SNTG1: variants seen among roughly 807,000 people sequenced by gnomAD.
SNTG1 encodes gamma-1-syntrophin.
SNTG1 carries 39 observed loss-of-function variants against 74.7 expected under a neutral mutation model. That is an observed-to-expected ratio of 0.52 (90% CI 0.40 to 0.68). SNTG1 has a LOEUF of 0.68. Among genes scored for constraint, SNTG1 ranks in the 30% least tolerant of loss-of-function variants. SNTG1 has a pLI of 0.00. For missense variants in SNTG1, 685 were observed against 609.5 expected, an observed-to-expected ratio of 1.12 and a Z score of -1.30; for synonymous variants, 254 against 217.1, an observed-to-expected ratio of 1.17 and a Z score of -1.49.
intron 2 of SNTG1, among the ~76,000 whole-genome samples, chr8:50,340,304 C>T (rs2130931735): frequency 6.6e-6 from 1 of 152,058 alleles, no homozygotes; most frequent in Middle Eastern, 3.4e-3. Flanking sequence ...GAAGAACTGA[C>T]ACTATCTTAT....
intron 1 of SNTG1, among the ~76,000 whole-genome samples, chr8:50,095,758 GA>G (rs137892681): frequency 1.6e-4 from 24 of 151,898 alleles, no homozygotes; most frequent in African/African-American, 5.6e-4. Context: ...AAAAAATGTG[GA>G]AAAAAACTGA....
chr8:50,513,249 A>G (rs192470975), intron 9 of SNTG1, among the ~76,000 whole-genome samples: 4 of 152,208 alleles, frequency 2.6e-5, no homozygotes, highest in African/African-American at 2.4e-5. Flanking sequence ...TGAGCAGCAA[A>G]TATTGCTGCC....
chr8:50,572,864 G>T (rs369391609), intron 12 of SNTG1, among the ~76,000 whole-genome samples: 2 of 152,094 alleles, frequency 1.3e-5, no homozygotes, highest in African/African-American at 4.8e-5. Flanking sequence ...TAAAAAATTG[G>T]AGGAATGTTT....
intron 15 of SNTG1, among the ~76,000 whole-genome samples, chr8:50,701,285 A>T (rs2131507900): frequency 6.6e-6 from 1 of 152,334 alleles, no homozygotes; most frequent in East Asian, 1.9e-4. Flanking sequence ...GAGAGGGCAT[A>T]CTAAAATTTT....
intron 13 of SNTG1, among the ~76,000 whole-genome samples, chr8:50,639,572 A>C (rs1055642495): frequency 1.5e-4 from 23 of 152,028 alleles, no homozygotes; most frequent in Non-Finnish European, 2.8e-4. Context: ...TATTGATATC[A>C]ACAGAATTGT....
At chr8:50,143,023 G>A (rs1405950933) in intron 1 of SNTG1, among the ~76,000 whole-genome samples, 2 of 151,892 alleles carry the variant, frequency 1.3e-5, no homozygotes, top group African/African-American at 2.4e-5. Flanking sequence ...GCAATAAGTC[G>A]AGATCACTCC....
chr8:50,011,626 A>T (rs63496561), intron 1 of SNTG1: 1 of 24,332 alleles, frequency 4.1e-5, no homozygotes, highest in Non-Finnish European at 3.1e-4. Flanking sequence ...AGGTGAAATT[A>T]AAAAAAAAAA....
chr8:50,413,335 T>C (rs1338725387), intron 4 of SNTG1, among the ~76,000 whole-genome samples: 1 of 152,150 alleles, frequency 6.6e-6, no homozygotes, highest in East Asian at 1.9e-4. Flanking sequence ...ACACTGTTCA[T>C]TTGTTTTTTT....
chr8:50,444,785 T>G (rs10429442), intron 5 of SNTG1, among the ~76,000 whole-genome samples: 122,277 of 147,348 alleles, frequency 0.83, 51,293 homozygotes, highest in Non-Finnish European at 0.89. Flanking sequence ...ATAACAAGCA[T>G]ACAGTAAAGC....
At chr8:50,501,431 T>TG (rs2093952688) in intron 8 of SNTG1, among the ~76,000 whole-genome samples, 1 of 120,788 alleles carries the variant, frequency 8.3e-6, no homozygotes, top group African/African-American at 3.3e-5. Flanking sequence ...GTGCGTTTTT[T>TG]TTTTTTTTTT....
chr8:50,485,750 C>G (rs1223416336), intron 8 of SNTG1, among the ~76,000 whole-genome samples: 49 of 145,620 alleles, frequency 3.4e-4, no homozygotes, highest in Admixed American at 6.3e-4. Context: ...TTGCCCATAC[C>G]TATGTCCTGA....
intron 2 of SNTG1, among the ~76,000 whole-genome samples, chr8:50,221,405 AAT>A (rs928287921): frequency 2.6e-5 from 4 of 152,010 alleles, no homozygotes; most frequent in African/African-American, 9.6e-5. Flanking sequence ...AGTGTTAAAA[AAT>A]ATAAGATCAA....
chr8:50,454,829 T>C (rs1451281151), intron 8 of SNTG1, among the ~76,000 whole-genome samples: 1 of 95,148 alleles, frequency 1.1e-5, no homozygotes, highest in African/African-American at 4.4e-5. Context: ...CAGACAGAGC[T>C]AAAAAAAAAA....
intron 13 of SNTG1, among the ~76,000 whole-genome samples, chr8:50,609,860 A>G (rs1226954407): frequency 2.0e-5 from 3 of 152,068 alleles, no homozygotes; most frequent in South Asian, 2.1e-4. Context: ...CTGTTTCTCT[A>G]TTGAAGTTGT....
rs2094599525 is a variant in SNTG1, at chr8:50,579,944, AC to A, written c.811-10931del. Among the ~76,000 whole-genome samples the A allele has an allele frequency of 2.0e-5, 3 of 152,316 alleles. No individual in the cohort carries two copies. The South Asian group carries it at 6.2e-4, about 32-fold the overall frequency. On this transcript the variant is annotated intron_variant, in intron 12 of 18. Coordinates refer to ENST00000642720, the MANE Select transcript of SNTG1 (RefSeq NM_018967.5). ...CTGTGAGAAGGCCACCATTCTCCAC[AC>A]CCCATAATGGTAGAACTACTGACGG...
intron 1 of SNTG1, among the ~76,000 whole-genome samples, chr8:49,915,905 T>G (rs954601276): frequency 1.3e-5 from 2 of 152,208 alleles, no homozygotes; most frequent in East Asian, 1.9e-4. Flanking sequence ...TTAGGACATC[T>G]CTTTAGAAAA....
chr8:50,227,232 T>C (rs1041901927), intron 2 of SNTG1, among the ~76,000 whole-genome samples: 9 of 152,134 alleles, frequency 5.9e-5, no homozygotes, highest in African/African-American at 2.2e-4. Flanking sequence ...GAATTGTTGA[T>C]GTTCTCAAAT....
chr8:50,760,156 G>T (rs1395379827), intron 18 of SNTG1, among the ~76,000 whole-genome samples: 1 of 152,000 alleles, frequency 6.6e-6, no homozygotes, highest in Non-Finnish European at 1.5e-5. Flanking sequence ...GTCTGTCATT[G>T]CTTATAGGAA....
chr8:50,670,102 A>G (rs4873472), intron 15 of SNTG1, among the ~76,000 whole-genome samples: 31,238 of 152,026 alleles, frequency 0.21, 3,293 homozygotes, highest in South Asian at 0.31. Flanking sequence ...ATGGGCAAAA[A>G]CTGGAAGCAT....
Sources: gnomAD v4.1 joint callset for allele counts (sites outside exome capture counted in the v4.1 genomes callset) on GRCh38, gnomAD v4.1.1 for gene constraint, MANE v1.5 for transcripts, NCBI Gene and HGNC (gene_info 2026-07-23, HGNC 2026-07-21) for gene names.